ABAT: variants seen among roughly 807,000 people sequenced by gnomAD.
ABAT encodes 4-aminobutyrate aminotransferase.
In ABAT, 45 loss-of-function variants were observed where a neutral mutation model predicts 64.6. The observed-to-expected ratio is 0.70, with a 90% CI of 0.55 to 0.89. The LOEUF (loss-of-function observed/expected upper bound fraction) is 0.89. Ranked by LOEUF, ABAT falls within the 40% of genes least tolerant of loss-of-function variation. The pLI is 0.00. For synonymous variants in ABAT, 297 were observed against 250.5 expected, an observed-to-expected ratio of 1.19 and a Z score of -1.75; for missense variants, 633 against 658.4, an observed-to-expected ratio of 0.96 and a Z score of 0.42.
In ABAT at chr16:8,781,563, G is replaced by A. The variant is rs986308840; in HGVS notation, c.*133G>A. ...GTGAAGGGTGATTTGTGGGGAGGGA[G>A]CATTTTTGGTGGTCTTGGGGGAGGG... On this transcript the variant is annotated 3_prime_UTR_variant, in exon 16 of 16. Coordinates refer to ENST00000268251, the MANE Select transcript of ABAT (RefSeq NM_020686.6). The surrounding 1 kb of genome is among the most constrained non-coding windows in gnomAD (Gnocchi z 4.5). The A allele has an allele frequency of 1.9e-5, 20 of 1,038,902 alleles. No homozygotes were observed. In the African/African-American group the frequency reaches 2.6e-4, roughly 14 times the overall value. The allele number at this position is 1,038,902 out of a possible 1,614,324, so 64.4% of individuals were successfully genotyped here.
chr16:8,735,938 T>A (rs1487899102), intron 2 of ABAT, 129 bp downstream of exon 2: 1 of 766,728 alleles, frequency 1.3e-6, no homozygotes, highest in Admixed American at 2.1e-5. Context: ...ACTGTCCCAC[T>A]GTATTAGTCT....
intron 2 of ABAT, among the ~76,000 whole-genome samples, chr16:8,740,138 C>T (rs1183826423): frequency 2.0e-5 from 3 of 152,062 alleles, no homozygotes; most frequent in Non-Finnish European, 4.4e-5. Context: ...TTGCCAGAGC[C>T]ACAGAGCTGA....
At chr16:8,769,895 T>G (rs1484954709) in intron 11 of ABAT, among the ~76,000 whole-genome samples, 1 of 152,166 alleles carries the variant, frequency 6.6e-6, no homozygotes, top group Non-Finnish European at 1.5e-5. Flanking sequence ...GTTTTTTTCT[T>G]AGGCACATCA....
chr16:8,700,400 C>A (rs890966795), intron 1 of ABAT, among the ~76,000 whole-genome samples: 1 of 152,120 alleles, frequency 6.6e-6, no homozygotes. Flanking sequence ...AGAATGCAAC[C>A]ATGTAACCAG....
At chr16:8,728,395 G>C (rs1481405593) in intron 1 of ABAT, among the ~76,000 whole-genome samples, 3 of 152,172 alleles carry the variant, frequency 2.0e-5, no homozygotes, top group Non-Finnish European at 4.4e-5. Context: ...GAGACATTCG[G>C]AGTTTCAAAA....
intron 1 of ABAT, among the ~76,000 whole-genome samples, chr16:8,690,926 T>A (rs1047484299): frequency 4.6e-5 from 7 of 152,162 alleles, no homozygotes; most frequent in African/African-American, 1.7e-4. Flanking sequence ...AAGGTGGGAA[T>A]TTGTTTGCAA....
At chr16:8,693,352 G>A (rs143679356) in intron 1 of ABAT, among the ~76,000 whole-genome samples, 106 of 151,856 alleles carry the variant, frequency 7.0e-4, no homozygotes, top group African/African-American at 2.4e-3. Context: ...TTTTCTAGTT[G>A]TCACAAATCT....
At position 8,735,700 on chromosome 16, in the gene ABAT, G is replaced by C; in HGVS notation, c.-40G>C. 1.3e-6 allele frequency: 2 copies of C among 1,564,788 alleles called. No homozygotes were observed. Among genetic ancestry groups the C allele is most frequent in the Non-Finnish European group, 1.7e-6 (2 of 1,154,034 alleles). ...GTCTGCATTTCTGGTTTCTTTCAGG[G>C]TGGCAGCACGCAAAGGGTGTCCCTG... On this transcript the variant is annotated splice_region_variant and 5_prime_UTR_variant, in exon 2 of 16. Coordinates refer to ENST00000268251, the MANE Select transcript of ABAT (RefSeq NM_020686.6).
chr16:8,757,993 G>A (rs1433860977), intron 6 of ABAT, among the ~76,000 whole-genome samples, 187 bp downstream of exon 6: 1 of 152,152 alleles, frequency 6.6e-6, no homozygotes, highest in Non-Finnish European at 1.5e-5. Context: ...ACATTCCCAC[G>A]GAGGCAGTCA....
At chr16:8,687,352 G>A (rs1250972725) in intron 1 of ABAT, among the ~76,000 whole-genome samples, 4 of 151,974 alleles carry the variant, frequency 2.6e-5, no homozygotes, top group Admixed American at 1.3e-4. Flanking sequence ...GTGAAACCCC[G>A]TCTCTACTAC....
At chr16:8,751,442 G>A (rs1449165470) in intron 5 of ABAT, among the ~76,000 whole-genome samples, 1 of 152,108 alleles carries the variant, frequency 6.6e-6, no homozygotes, top group Non-Finnish European at 1.5e-5. Context: ...TCAGGAGAAA[G>A]GGGAGGAAAG....
chr16:8,690,309 C>G (rs1469433823), intron 1 of ABAT, among the ~76,000 whole-genome samples: 1 of 152,172 alleles, frequency 6.6e-6, no homozygotes, highest in Admixed American at 6.5e-5. Flanking sequence ...GTGCTGTGAA[C>G]TTGAACTGTT....
At chr16:8,733,699 C>T (rs1162620122) in intron 1 of ABAT, among the ~76,000 whole-genome samples, 1 of 151,850 alleles carries the variant, frequency 6.6e-6, no homozygotes, top group Non-Finnish European at 1.5e-5. Context: ...CGTGAGGCTG[C>T]AATCGCAGGC....
At chr16:8,768,995 TC>T in intron 11 of ABAT, 22 bp downstream of exon 11, 1 of 1,613,800 alleles carries the variant, frequency 6.2e-7, no homozygotes, top group South Asian at 1.1e-5. Flanking sequence ...ACCCTGCGGA[TC>T]CTCCCCAACC....
intron 1 of ABAT, among the ~76,000 whole-genome samples, chr16:8,712,500 G>A (rs2058099478): frequency 6.6e-6 from 1 of 152,166 alleles, no homozygotes; most frequent in Non-Finnish European, 1.5e-5. Flanking sequence ...TGGTCTAGGC[G>A]CCGTGGCTCA....
intron 2 of ABAT, 76 bp from the exon 3 acceptor site, chr16:8,745,924 AT>A: frequency 1.4e-6 from 2 of 1,391,320 alleles, no homozygotes; most frequent in Non-Finnish European, 2.0e-6. Context: ...TGTTAGGGAC[AT>A]TGGGCATCTG....
chr16:8,762,301 C>G (rs1043108406), intron 6 of ABAT, among the ~76,000 whole-genome samples: 1 of 152,228 alleles, frequency 6.6e-6, no homozygotes, highest in African/African-American at 2.4e-5. Context: ...AAGTAAGACA[C>G]CTGCCATCCT....
intron 14 of ABAT, among the ~76,000 whole-genome samples, chr16:8,778,078 C>T (rs960558848): frequency 6.6e-6 from 1 of 152,228 alleles, no homozygotes; most frequent in African/African-American, 2.4e-5. Flanking sequence ...TCCCCCAACT[C>T]AGCCCCCAGT....
At chr16:8,757,668 G>A (rs1215231427) in intron 5 of ABAT, 89 bp from the exon 6 acceptor site, 1 of 1,370,176 alleles carries the variant, frequency 7.3e-7, no homozygotes, top group Admixed American at 1.7e-5. Context: ...TGGGGGGTTG[G>A]AAAGGAAGGG....
Sources: allele counts gnomAD v4.1 joint callset (sites outside exome capture counted in the v4.1 genomes callset), GRCh38; gene constraint gnomAD v4.1.1; non-coding constraint Gnocchi (gnomAD v3.1); transcripts MANE v1.5; gene names NCBI Gene and HGNC (gene_info 2026-07-23, HGNC 2026-07-21).